PTPRK: variants seen among roughly 807,000 people sequenced by gnomAD.
PTPRK encodes the protein receptor-type tyrosine-protein phosphatase kappa.
A neutral mutation model predicts 178.0 loss-of-function variants in PTPRK; 75 were observed. That is an observed-to-expected ratio of 0.42 (90% CI 0.35 to 0.51). The LOEUF (loss-of-function observed/expected upper bound fraction) is 0.51, where lower values mean the gene tolerates loss of function less well. PTPRK is among the 20% of genes least tolerant of loss of function. The probability of loss-of-function intolerance (pLI) is 0.02; values close to 1 mark genes in which losing one functional copy is unlikely to be tolerated. For synonymous variants in PTPRK, 637 were observed against 620.6 expected (o/e 1.03, Z -0.39); for missense variants, 1,441 against 1,797.8 (o/e 0.80, Z 3.59).
At chr6:127,972,490 G>A (rs148060236) in intron 29 of PTPRK, among the ~76,000 whole-genome samples, 3 of 152,120 alleles carry the variant, frequency 2.0e-5, no homozygotes, top group Admixed American at 1.3e-4. Flanking sequence ...CTGACTTTAC[G>A]AGCCTTGACA....
intron 3 of PTPRK, among the ~76,000 whole-genome samples, chr6:128,299,845 T>A (rs551475623): frequency 1.3e-3 from 198 of 152,144 alleles, no homozygotes; most frequent in African/African-American, 4.6e-3. Context: ...CCAAAAGCAA[T>A]GGCAACAAAA....
At chr6:128,082,750 A>ATTT in intron 9 of PTPRK, 112 bp from the exon 10 acceptor site, 1 of 725,372 alleles carries the variant, frequency 1.4e-6, no homozygotes, top group Non-Finnish European at 2.1e-6. Context: ...GTCAATGGTA[A>ATTT]TTTTTTTCTT....
intron 2 of PTPRK, among the ~76,000 whole-genome samples, chr6:128,375,408 A>T (rs1020178218): frequency 4.6e-4 from 69 of 150,720 alleles, no homozygotes; most frequent in African/African-American, 1.6e-3. Context: ...AACCTTTTTA[A>T]AAAAAAAAAC....
chr6:128,330,078 A>G (rs760322896), intron 2 of PTPRK, among the ~76,000 whole-genome samples: 21 of 152,202 alleles, frequency 1.4e-4, no homozygotes, highest in Non-Finnish European at 2.8e-4. Flanking sequence ...TTTTCCCAGT[A>G]GTAACAAAGA....
intron 3 of PTPRK, among the ~76,000 whole-genome samples, chr6:128,294,795 A>G (rs1007594628): frequency 6.6e-6 from 1 of 152,084 alleles, no homozygotes; most frequent in Admixed American, 6.6e-5. Flanking sequence ...ATATGTGTAT[A>G]ATATACATTC....
intron 1 of PTPRK, among the ~76,000 whole-genome samples, chr6:128,432,047 T>A (rs981658137): frequency 1.3e-5 from 2 of 152,086 alleles, no homozygotes; most frequent in Non-Finnish European, 2.9e-5. Context: ...AAAAGCACGG[T>A]TGAAAATACA....
rs1489349589 is a variant in PTPRK, at chr6:128,105,641, G to A, written c.1163-15649C>T. Among the ~76,000 whole-genome samples, 9 of 152,296 alleles carry A rather than the reference G, an allele frequency of 5.9e-5. No homozygotes were observed. In the East Asian group the frequency reaches 1.5e-3, roughly 26 times the overall value. On this transcript the variant is annotated intron_variant, in intron 7 of 29. Transcript: ENST00000368226. Reference sequence around the variant, plus strand: ...AGCATAGGAAGAACAGATCTTTGGTGTCTTAGGTTACTTGATATTCCCATT... The same window carrying A: ...AGCATAGGAAGAACAGATCTTTGGTATCTTAGGTTACTTGATATTCCCATT...
intron 2 of PTPRK, among the ~76,000 whole-genome samples, chr6:128,346,881 C>T (rs1207264335): frequency 1.3e-5 from 2 of 152,076 alleles, no homozygotes; most frequent in East Asian, 1.9e-4. Context: ...CTCATGCTTG[C>T]TATCCCTATA....
At chr6:128,014,567 G>C (rs1357702600) in intron 13 of PTPRK, among the ~76,000 whole-genome samples, 2 of 151,682 alleles carry the variant, frequency 1.3e-5, no homozygotes, top group African/African-American at 4.8e-5. Flanking sequence ...AATAGTAGTA[G>C]ACGCTGCTGC....
At chr6:128,010,828 G>A (rs1302451658) in intron 13 of PTPRK, among the ~76,000 whole-genome samples, 1 of 150,968 alleles carries the variant, frequency 6.6e-6, no homozygotes, top group Non-Finnish European at 1.5e-5. Flanking sequence ...AAAAAGCAAG[G>A]CTTTGGCTGG....
rs79940251 is a variant in PTPRK, at chr6:128,144,414, G to A, written c.1162+40018C>T. On this transcript the variant is annotated intron_variant, in intron 7 of 29. Transcript: ENST00000368226. ...ACACTTCGAGTTGCCTTGCCCTACT[G>A]CATCAAATATTGCCCATGGCAGGTC... 9.7e-3 allele frequency among the ~76,000 whole-genome samples: 1,480 copies of A among 152,234 alleles called. 22 individuals are homozygous for A. Among genetic ancestry groups the A allele is most frequent in the African/African-American group, 0.034 (1,403 of 41,544 alleles).
intron 7 of PTPRK, among the ~76,000 whole-genome samples, chr6:128,164,150 T>C (rs1344517842): frequency 6.6e-6 from 1 of 151,446 alleles, no homozygotes; most frequent in Non-Finnish European, 1.5e-5. Flanking sequence ...CAGAAACTAT[T>C]ACATAGCAAC....
chr6:128,306,988 A>G (rs954446631), intron 3 of PTPRK, among the ~76,000 whole-genome samples: 3 of 151,876 alleles, frequency 2.0e-5, no homozygotes, highest in Non-Finnish European at 4.4e-5. Flanking sequence ...TATCAGATAA[A>G]AACTCATTTC....
At position 128,169,660 on chromosome 6, in the gene PTPRK, G is replaced by A. The variant is rs141980020; in HGVS notation, c.1162+14772C>T. 3.3e-3 allele frequency among the ~76,000 whole-genome samples: 500 copies of A among 151,898 alleles called. 2 individuals carry two copies. Among genetic ancestry groups the A allele is most frequent in the African/African-American group, 0.012 (485 of 41,466 alleles). ...ATTATGTTCATTATTGGATTAAGAC[G>A]TTACACAAATAACTTTAATGGCTAA... On this transcript the variant is annotated intron_variant, in intron 7 of 29. Coordinates refer to ENST00000368226, the MANE Select transcript of PTPRK (RefSeq NM_002844.4).
At chr6:128,324,738 C>T (rs968965161) in intron 2 of PTPRK, among the ~76,000 whole-genome samples, 14 of 152,178 alleles carry the variant, frequency 9.2e-5, no homozygotes, top group African/African-American at 3.4e-4. Context: ...GCACTAGCAC[C>T]AAAAAGCCAT....
intron 2 of PTPRK, among the ~76,000 whole-genome samples, chr6:128,359,217 G>T (rs1472860533): frequency 1.3e-5 from 2 of 151,736 alleles, no homozygotes; most frequent in African/African-American, 4.8e-5. Flanking sequence ...TTGGGATGCC[G>T]AGGTGGGTGG....
Position 128,082,602 on chromosome 6 carries a change from C to T in PTPRK, c.1612G>A (p.Val538Ile), listed in dbSNP as rs1245356572. Residue 538 changes from valine to isoleucine, a missense_variant, in exon 10 of 30, where the codon GTT becomes ATT. Physicochemically the swap from Val to Ile is conservative, Grantham distance 29. Around this residue, in one of 4 missense-constraint regions of PTPRK, gnomAD observed 945 missense variants for 1,080.6 expected, o/e 0.87. Transcript: ENST00000368226. ...GTCTGGGGAGGTCCAGCCACTGGAA[C>T]TGCAGGATCAAATGATCTTATACTG... is the stretch of plus-strand genomic sequence containing the variant. ...YSSIRSFDPA[V>I]PVAGPPQTVS... The T allele has an allele frequency of 6.2e-7, 1 of 1,611,308 alleles. No individual in the cohort carries two copies. Among genetic ancestry groups the T allele is most frequent in the Admixed American group, 1.7e-5 (1 of 59,822 alleles).
Position 128,335,822 on chromosome 6 carries a change from C to G in PTPRK, c.224-13512G>C, listed in dbSNP as rs565334219. Among the ~76,000 whole-genome samples the G allele has an allele frequency of 7.6e-4, 115 of 152,096 alleles. 1 individual carries two copies. Among genetic ancestry groups the G allele is most frequent in the Middle Eastern group, 3.4e-3 (1 of 294 alleles). ...AAACCTGAAACCCTTGTAAAATCCC[C>G]TCAGTCTACATTAACTTAAGGCAGC... On this transcript the variant is annotated intron_variant, in intron 2 of 29. Coordinates refer to ENST00000368226, the MANE Select transcript of PTPRK (RefSeq NM_002844.4).
At chr6:128,143,948 A>G (rs2114522720) in intron 7 of PTPRK, among the ~76,000 whole-genome samples, 1 of 152,304 alleles carries the variant, frequency 6.6e-6, no homozygotes, top group African/African-American at 2.4e-5. Flanking sequence ...TACAAACCTG[A>G]GGTGTGTGCT....
Sources: gnomAD v4.1 joint callset for allele counts (sites outside exome capture counted in the v4.1 genomes callset) on GRCh38, gnomAD v4.1.1 for gene constraint, gnomAD v4.1.1 regional missense constraint, MANE v1.5 for transcripts, NCBI Gene and HGNC (gene_info 2026-07-23, HGNC 2026-07-21) for gene names.